Variants in EYS observed in about 807,000 individuals in gnomAD.
EYS encodes protein eyes shut homolog.
EYS carries 250 observed loss-of-function variants against 282.1 expected under a neutral mutation model. The ratio of observed to expected loss-of-function variants is 0.89; its 90% confidence interval spans 0.80 to 0.98. The LOEUF (loss-of-function observed/expected upper bound fraction) is 0.98. Among genes scored for constraint, EYS ranks in the 50% least tolerant of loss-of-function variants. The pLI is 0.00. For synonymous variants in EYS, 1,355 were observed against 1,282.9 expected, an observed-to-expected ratio of 1.06 and a Z score of -1.20; for missense variants, 4,016 against 3,709.0, an observed-to-expected ratio of 1.08 and a Z score of -2.15.
chr6:64,358,851 T>C (rs1432783584), intron 29 of EYS, among the ~76,000 whole-genome samples: 1 of 151,738 alleles, frequency 6.6e-6, no homozygotes, highest in African/African-American at 2.4e-5. Flanking sequence ...TGTCAAATAC[T>C]AACTGAGAAG....
At chr6:64,714,301 T>A (rs979957134) in intron 22 of EYS, among the ~76,000 whole-genome samples, 1 of 152,154 alleles carries the variant, frequency 6.6e-6, no homozygotes, top group East Asian at 1.9e-4. Flanking sequence ...TAAAATCTAG[T>A]ACGGGAAGTA....
chr6:63,983,443 C>CT (rs375730709), intron 35 of EYS, among the ~76,000 whole-genome samples: 1 of 151,628 alleles, frequency 6.6e-6, no homozygotes, highest in Non-Finnish European at 1.5e-5. Context: ...TTCTTTCTCT[C>CT]TTTTTTTATT....
intron 26 of EYS, among the ~76,000 whole-genome samples, chr6:64,498,022 G>A (rs2150510058): frequency 6.6e-6 from 1 of 152,206 alleles, no homozygotes; most frequent in Middle Eastern, 3.4e-3. Context: ...TATAGTTAGA[G>A]TTAATGATAA....
At chr6:64,978,973 C>T (rs1392543486) in intron 14 of EYS, among the ~76,000 whole-genome samples, 2 of 151,794 alleles carry the variant, frequency 1.3e-5, no homozygotes, top group East Asian at 1.9e-4. Context: ...GGTGAAGATG[C>T]TATGACCATT....
intron 5 of EYS, among the ~76,000 whole-genome samples, chr6:65,433,603 A>G (rs1767960903): frequency 6.6e-6 from 1 of 152,154 alleles, no homozygotes; most frequent in African/African-American, 2.4e-5. Context: ...AACATTTAAA[A>G]TTTGGGGTCA....
intron 5 of EYS, among the ~76,000 whole-genome samples, chr6:65,485,019 T>A (rs962419606): frequency 2.0e-5 from 3 of 152,224 alleles, no homozygotes; most frequent in Non-Finnish European, 4.4e-5. Context: ...CAGAAAAATT[T>A]GCCAGCCCTT....
intron 16 of EYS, among the ~76,000 whole-genome samples, chr6:64,910,467 G>T (rs1024098340): frequency 2.0e-5 from 3 of 151,934 alleles, no homozygotes; most frequent in Non-Finnish European, 4.4e-5. Flanking sequence ...CCACAATTAG[G>T]TTTAGAAAAA....
At chr6:65,334,870 A>C (rs1769923612) in intron 11 of EYS, 110 bp downstream of exon 11, 1 of 988,226 alleles carries the variant, frequency 1.0e-6, no homozygotes, top group Admixed American at 1.9e-5. Flanking sequence ...TGGAAATTCC[A>C]ATCATTTTAA....
At chr6:64,322,841 T>C (rs1770266657) in intron 29 of EYS, among the ~76,000 whole-genome samples, 1 of 152,044 alleles carries the variant, frequency 6.6e-6, no homozygotes, top group Non-Finnish European at 1.5e-5. Context: ...GCAAAGAATG[T>C]CTCTGGACAA....
intron 19 of EYS, among the ~76,000 whole-genome samples, chr6:64,862,282 C>T (rs1196844236): frequency 6.6e-6 from 1 of 152,128 alleles, no homozygotes; most frequent in East Asian, 1.9e-4. Context: ...AGCTGCAATT[C>T]TCTGAATTCA....
chr6:65,045,276 T>G (rs780011076), intron 13 of EYS, among the ~76,000 whole-genome samples: 1 of 151,942 alleles, frequency 6.6e-6, no homozygotes, highest in East Asian at 1.9e-4. Flanking sequence ...CAATGTTTTC[T>G]AAATCATTTA....
intron 22 of EYS, among the ~76,000 whole-genome samples, chr6:64,685,457 T>A: frequency 6.6e-6 from 1 of 152,118 alleles, no homozygotes; most frequent in East Asian, 1.9e-4. Flanking sequence ...GGTAGATCCC[T>A]CATGAATAGA....
chr6:65,445,265 T>C (rs1414569898), intron 5 of EYS, among the ~76,000 whole-genome samples: 1 of 151,900 alleles, frequency 6.6e-6, no homozygotes, highest in East Asian at 1.9e-4. Flanking sequence ...AATGATCACT[T>C]TTATTAATCC....
chr6:64,621,744 G>T (rs893844867), intron 23 of EYS, among the ~76,000 whole-genome samples: 1 of 152,172 alleles, frequency 6.6e-6, no homozygotes, highest in Non-Finnish European at 1.5e-5. Flanking sequence ...GGCAAAACAT[G>T]CATTTGAAGT....
At chr6:63,885,958 T>C (rs1011178393) in intron 35 of EYS, among the ~76,000 whole-genome samples, 1 of 152,224 alleles carries the variant, frequency 6.6e-6, no homozygotes, top group African/African-American at 2.4e-5. Context: ...AATAAACGAC[T>C]GACTGACAGT....
chr6:65,350,313 C>T (rs984336436), intron 9 of EYS, among the ~76,000 whole-genome samples: 3 of 151,178 alleles, frequency 2.0e-5, no homozygotes, highest in Admixed American at 6.6e-5. Flanking sequence ...TCACAAAAAT[C>T]GTTTAAAATT....
At chr6:65,208,669 G>C (rs1766096845) in intron 12 of EYS, among the ~76,000 whole-genome samples, 2 of 151,798 alleles carry the variant, frequency 1.3e-5, no homozygotes, top group South Asian at 4.1e-4. Flanking sequence ...TAGAGCTGGA[G>C]GCCATTATCC....
chr6:65,350,198 T>C (rs1006587356), intron 9 of EYS, among the ~76,000 whole-genome samples: 1 of 151,450 alleles, frequency 6.6e-6, no homozygotes, highest in Non-Finnish European at 1.5e-5. Context: ...TTAATAGATA[T>C]ATAAATAGCA....
chr6:64,956,581 T>C (rs1562275137), intron 14 of EYS, among the ~76,000 whole-genome samples: 1 of 151,824 alleles, frequency 6.6e-6, no homozygotes, highest in African/African-American at 2.4e-5. Context: ...AATGGACAAA[T>C]GACATCACAT....
Sources: allele counts gnomAD v4.1 joint callset (sites outside exome capture counted in the v4.1 genomes callset), GRCh38; gene constraint gnomAD v4.1.1; transcripts MANE v1.5; gene names NCBI Gene and HGNC (gene_info 2026-07-23, HGNC 2026-07-21).